SYNDIG1: variants seen among roughly 807,000 people sequenced by gnomAD.
SYNDIG1 encodes the protein synapse differentiation inducing 1.
Under a neutral mutation model 19.4 loss-of-function variants are expected in SYNDIG1, and 9 were observed. The ratio of observed to expected loss-of-function variants is 0.46; its 90% confidence interval spans 0.28 to 0.81. The LOEUF (loss-of-function observed/expected upper bound fraction) is 0.81, where lower values mean the gene tolerates loss of function less well. Ranked by LOEUF, SYNDIG1 falls within the 30% of genes least tolerant of loss-of-function variation. SYNDIG1 has a pLI of 0.12. For synonymous variants in SYNDIG1, 141 were observed against 145.9 expected (o/e 0.97, Z 0.24); for missense variants, 311 against 343.3 (o/e 0.91, Z 0.74).
At chr20:24,550,572 G>C (rs112587003) in intron 2 of SYNDIG1, among the ~76,000 whole-genome samples, 3 of 150,726 alleles carry the variant, frequency 2.0e-5, no homozygotes, top group South Asian at 2.1e-4. Context: ...GCAGTGGCGC[G>C]ATCTTGGCTC....
chr20:24,560,860 G>T (rs1600630534), intron 2 of SYNDIG1, among the ~76,000 whole-genome samples: 2 of 145,322 alleles, frequency 1.4e-5, no homozygotes, highest in Admixed American at 7.2e-5. Flanking sequence ...ATTGTTACTT[G>T]GTGTTTCTAA....
In SYNDIG1 at chr20:24,476,394, G is replaced by A. The variant is rs180972485; in HGVS notation, c.-79+6641G>A. 6.9e-3 allele frequency among the ~76,000 whole-genome samples: 1,046 copies of A among 152,134 alleles called. 8 individuals are homozygous for A. Among genetic ancestry groups the A allele is most frequent in the Non-Finnish European group, 7.5e-3 (511 of 68,012 alleles). Reference sequence around the variant, plus strand: ...TAAAAGCTGTGGATATTGGCCGGGCGCGGTGGCTTACGCCTGTAATCCCAG... The same window carrying A: ...TAAAAGCTGTGGATATTGGCCGGGCACGGTGGCTTACGCCTGTAATCCCAG... On this transcript the variant is annotated intron_variant, in intron 1 of 3. Coordinates refer to ENST00000376862, the MANE Select transcript of SYNDIG1 (RefSeq NM_024893.3).
intron 3 of SYNDIG1, among the ~76,000 whole-genome samples, chr20:24,622,988 G>A (rs1029771912): frequency 6.6e-6 from 1 of 152,108 alleles, no homozygotes; most frequent in African/African-American, 2.4e-5. Context: ...AAAAGAATGA[G>A]GACATTCTCT....
chr20:24,537,435 C>T (rs1373628248), intron 1 of SYNDIG1, among the ~76,000 whole-genome samples: 1 of 151,844 alleles, frequency 6.6e-6, no homozygotes, highest in Non-Finnish European at 1.5e-5. Flanking sequence ...CACCTTCATT[C>T]ATCACTCCTG....
intron 3 of SYNDIG1, among the ~76,000 whole-genome samples, chr20:24,620,171 T>C (rs2059016546): frequency 6.6e-6 from 1 of 152,232 alleles, no homozygotes; most frequent in East Asian, 1.9e-4. Flanking sequence ...CTGATAAACC[T>C]CAAAATTGTA....
chr20:24,509,698 C>T (rs1451901172), intron 1 of SYNDIG1, among the ~76,000 whole-genome samples: 1 of 152,136 alleles, frequency 6.6e-6, no homozygotes, highest in Non-Finnish European at 1.5e-5. Flanking sequence ...CTTAAGTTTT[C>T]ATTTGTGAAT....
chr20:24,525,121 T>C (rs2057094124), intron 1 of SYNDIG1, among the ~76,000 whole-genome samples: 1 of 152,106 alleles, frequency 6.6e-6, no homozygotes, highest in East Asian at 1.9e-4. Flanking sequence ...TTATATTTTG[T>C]TATGATTCCT....
At chr20:24,556,347 T>C (rs1171749610) in intron 2 of SYNDIG1, among the ~76,000 whole-genome samples, 1 of 152,228 alleles carries the variant, frequency 6.6e-6, no homozygotes, top group African/African-American at 2.4e-5. Flanking sequence ...ATCCTGTCAT[T>C]ATGATGTTAG....
chr20:24,471,095 T>A (rs1288275031), intron 1 of SYNDIG1, among the ~76,000 whole-genome samples: 1 of 151,868 alleles, frequency 6.6e-6, no homozygotes, highest in Non-Finnish European at 1.5e-5. Flanking sequence ...TTGGTCTGAG[T>A]CCAAAGAAGG....
chr20:24,477,350 T>C (rs2055662244), intron 1 of SYNDIG1, among the ~76,000 whole-genome samples: 1 of 152,052 alleles, frequency 6.6e-6, no homozygotes, highest in South Asian at 2.1e-4. Flanking sequence ...TTTTTTCTTT[T>C]TTTACCAGAG....
intron 3 of SYNDIG1, among the ~76,000 whole-genome samples, chr20:24,611,140 C>T (rs992771994): frequency 1.1e-4 from 16 of 152,116 alleles, no homozygotes; most frequent in Admixed American, 8.5e-4. Context: ...CCACGGCCCA[C>T]GGCTCCCTCC....
intron 3 of SYNDIG1, among the ~76,000 whole-genome samples, chr20:24,609,943 T>C (rs748973466): frequency 3.7e-4 from 57 of 152,054 alleles, no homozygotes; most frequent in Non-Finnish European, 7.5e-4. Context: ...TTCCCTATGT[T>C]CCCAGGCCCA....
At chr20:24,474,116 T>A (rs2055550064) in intron 1 of SYNDIG1, among the ~76,000 whole-genome samples, 1 of 152,234 alleles carries the variant, frequency 6.6e-6, no homozygotes, top group African/African-American at 2.4e-5. Context: ...ATGTGAGCAA[T>A]AGCTTATGAA....
In SYNDIG1 at chr20:24,565,390, A is replaced by G. The variant is rs187319684; in HGVS notation, c.481-19466A>G. Among the ~76,000 whole-genome samples the G allele has an allele frequency of 4.2e-4, 64 of 152,326 alleles. No individual in the cohort carries two copies. The East Asian group carries it at 8.9e-3, about 21-fold the overall frequency. On this transcript the variant is annotated intron_variant, in intron 2 of 3. Coordinates refer to ENST00000376862, the MANE Select transcript of SYNDIG1 (RefSeq NM_024893.3). The stretch of plus-strand genomic sequence containing the variant: ...CAGCTTCAAGAATCATTCAGCCGAG[A>G]TAACAGTGGTGCTTCAAGGAGGCCT...
chr20:24,606,200 G>A (rs58463928), intron 3 of SYNDIG1, among the ~76,000 whole-genome samples: 1,641 of 152,338 alleles, frequency 0.011, 35 homozygotes, highest in African/African-American at 0.037. Context: ...CTCCAGAACA[G>A]GCATGTGGGC....
chr20:24,530,056 A>G, intron 1 of SYNDIG1, among the ~76,000 whole-genome samples: 1 of 32 alleles, frequency 0.031, no homozygotes, highest in Non-Finnish European at 0.1. Flanking sequence ...AGGGTGGTGG[A>G]GTTGGTAATG....
chr20:24,630,794 C>G (rs2059229293), intron 3 of SYNDIG1, among the ~76,000 whole-genome samples: 2 of 152,244 alleles, frequency 1.3e-5, no homozygotes, highest in Admixed American at 1.3e-4. Context: ...CATTGCCCCT[C>G]TACAAGAACC....
At chr20:24,583,540 T>G (rs1043016122) in intron 2 of SYNDIG1, among the ~76,000 whole-genome samples, 2 of 152,334 alleles carry the variant, frequency 1.3e-5, no homozygotes, top group African/African-American at 4.8e-5. Context: ...GACAAATGCC[T>G]AGGCAGGGTG....
intron 1 of SYNDIG1, chr20:24,502,487 C>A (rs1600454207): frequency 6.6e-6 from 1 of 152,212 alleles, no homozygotes; most frequent in East Asian, 1.9e-4. Context: ...ATACCCCGGG[C>A]ACAGACAGGA....
Sources: allele counts gnomAD v4.1 joint callset (sites outside exome capture counted in the v4.1 genomes callset), GRCh38; gene constraint gnomAD v4.1.1; transcripts MANE v1.5; gene names NCBI Gene and HGNC (gene_info 2026-07-23, HGNC 2026-07-21).